Variants in UST observed in about 807,000 individuals in gnomAD.
The protein encoded by UST is uronyl 2-sulfotransferase.
In UST, 21 loss-of-function variants were observed where a neutral mutation model predicts 45.6. That is an observed-to-expected ratio of 0.46 (90% CI 0.33 to 0.66). The LOEUF is 0.66. Ranked by LOEUF, UST falls within the 30% of genes least tolerant of loss-of-function variation. UST has a pLI of 0.02. For missense variants in UST, 463 were observed against 512.4 expected, an observed-to-expected ratio of 0.90 and a Z score of 0.93; for synonymous variants, 215 against 200.6, an observed-to-expected ratio of 1.07 and a Z score of -0.61.
intron 7 of UST, among the ~76,000 whole-genome samples, chr6:149,026,255 G>A (rs1026820899): frequency 2.6e-5 from 4 of 151,986 alleles, no homozygotes; most frequent in African/African-American, 7.3e-5. Flanking sequence ...CGAGGCTGCA[G>A]TGAGCTATGA....
At chr6:148,965,255 G>T (rs964161930) in intron 5 of UST, among the ~76,000 whole-genome samples, 3 of 151,880 alleles carry the variant, frequency 2.0e-5, no homozygotes, top group Non-Finnish European at 2.9e-5. Context: ...GCGGAGTTGC[G>T]CGTCTTTCTT....
chr6:149,056,346 G>A (rs1002170038), intron 7 of UST, among the ~76,000 whole-genome samples: 1 of 151,850 alleles, frequency 6.6e-6, no homozygotes, highest in Non-Finnish European at 1.5e-5. Context: ...GACCTCAAGT[G>A]ATCCACCACC....
At chr6:148,862,504 G>A (rs1582859869) in intron 1 of UST, among the ~76,000 whole-genome samples, 1 of 152,180 alleles carries the variant, frequency 6.6e-6, no homozygotes, top group Non-Finnish European at 1.5e-5. Context: ...TACATTTAAG[G>A]TTAATATTGT....
chr6:148,772,468 G>A (rs561248748), intron 1 of UST, among the ~76,000 whole-genome samples: 121 of 150,488 alleles, frequency 8.0e-4, no homozygotes, highest in African/African-American at 2.9e-3. Context: ...TGTCACCCAC[G>A]CTGGAGTGCA....
At chr6:148,812,639 T>A (rs1323247701) in intron 1 of UST, among the ~76,000 whole-genome samples, 1 of 152,222 alleles carries the variant, frequency 6.6e-6, no homozygotes, top group Non-Finnish European at 1.5e-5. Flanking sequence ...TCTGGCCACA[T>A]GGGTCTCCCC....
chr6:148,770,912 T>A (rs1776413585), intron 1 of UST, among the ~76,000 whole-genome samples: 1 of 152,172 alleles, frequency 6.6e-6, no homozygotes, highest in African/African-American at 2.4e-5. Context: ...TCCAACTTTT[T>A]AAATGAGATT....
In UST at chr6:148,871,141, T is replaced by TCTCTCTCTCTCTCTCTCTCC. The variant is rs1562283619; in HGVS notation, c.248-15840_248-15839insTCTCTCTCTCTCTCCCTCTC. Among the ~76,000 whole-genome samples the TCTCTCTCTCTCTCTCTCTCC allele has an allele frequency of 2.8e-3, 419 of 149,290 alleles. 3 individuals are homozygous for TCTCTCTCTCTCTCTCTCTCC. Among genetic ancestry groups the TCTCTCTCTCTCTCTCTCTCC allele is most frequent in the African/African-American group, 9.9e-3 (396 of 39,822 alleles). On this transcript the variant is annotated intron_variant, in intron 1 of 7. Transcript: ENST00000367463. ...CCCTCTCTCTCTCTCTCTCTCTCTC[T>TCTCTCTCTCTCTCTCTCTCC]CTCTCCCTCTCTCCCTCTCTCTCTC...
At chr6:148,946,705 T>C (rs1780245944) in intron 3 of UST, among the ~76,000 whole-genome samples, 1 of 145,738 alleles carries the variant, frequency 6.9e-6, no homozygotes, top group Non-Finnish European at 1.5e-5. Context: ...TCCCAACTAC[T>C]TGGGAGGCTG....
chr6:148,775,376 T>A (rs528831218), intron 1 of UST, among the ~76,000 whole-genome samples: 178 of 152,164 alleles, frequency 1.2e-3, no homozygotes, highest in African/African-American at 3.7e-3. Context: ...GAGGTGGTGG[T>A]CTTTACCAAT....
At chr6:149,044,074 T>TTTA (rs1310172326) in intron 7 of UST, among the ~76,000 whole-genome samples, 3 of 152,226 alleles carry the variant, frequency 2.0e-5, no homozygotes, top group African/African-American at 7.2e-5. Flanking sequence ...TTTAAGTGAC[T>TTTA]AGGGTACATC....
chr6:148,933,905 A>G (rs1286863179), intron 2 of UST, among the ~76,000 whole-genome samples: 1 of 152,224 alleles, frequency 6.6e-6, no homozygotes, highest in Non-Finnish European at 1.5e-5. Flanking sequence ...AAAACTGGGA[A>G]CGCCTATGGA....
intron 1 of UST, among the ~76,000 whole-genome samples, chr6:148,882,362 T>C (rs1238961519): frequency 6.6e-6 from 1 of 151,818 alleles, no homozygotes; most frequent in South Asian, 2.1e-4. Flanking sequence ...GGCGGGTGCC[T>C]GTAATCCCAG....
intron 2 of UST, among the ~76,000 whole-genome samples, chr6:148,907,902 C>CTT (rs67488239): frequency 4.4e-5 from 3 of 68,176 alleles, no homozygotes; most frequent in African/African-American, 6.0e-5. Context: ...GTTTCCAGGG[C>CTT]TTTTTTTTTT....
At position 148,803,783 on chromosome 6, in the gene UST, C is replaced by T. The variant is rs563299148; in HGVS notation, c.247+56106C>T. Among the ~76,000 whole-genome samples the T allele has an allele frequency of 1.2e-4, 19 of 152,296 alleles. 1 individual carries two copies. Among genetic ancestry groups the T allele is most frequent in the African/African-American group, 4.6e-4 (19 of 41,554 alleles). On this transcript the variant is annotated intron_variant, in intron 1 of 7. Transcript: ENST00000367463. ...TCCATCATTCCTCACTTTGTTCTGG[C>T]TCTGGCCACACAGGCCTTCTTGATT...
intron 3 of UST, among the ~76,000 whole-genome samples, chr6:148,947,774 G>A (rs1483519898): frequency 6.6e-6 from 1 of 152,182 alleles, no homozygotes; most frequent in Non-Finnish European, 1.5e-5. Context: ...CCACAGGCAT[G>A]AGAGTGCTCC....
chr6:148,944,763 C>T (rs370883837), intron 3 of UST, among the ~76,000 whole-genome samples: 59 of 152,326 alleles, frequency 3.9e-4, no homozygotes, highest in African/African-American at 1.2e-3. Context: ...GTTGGACTTT[C>T]GCACAGCTCA....
chr6:149,067,574 T>A (rs1297534107), intron 7 of UST, among the ~76,000 whole-genome samples: 1 of 152,240 alleles, frequency 6.6e-6, no homozygotes, highest in Non-Finnish European at 1.5e-5. Flanking sequence ...CCTCATGTTC[T>A]GACTAGCACT....
At chr6:148,971,052 A>G (rs1456413795) in intron 5 of UST, among the ~76,000 whole-genome samples, 2 of 152,168 alleles carry the variant, frequency 1.3e-5, no homozygotes, top group East Asian at 3.9e-4. Flanking sequence ...AGTGTCATCA[A>G]GGATAACTTA....
At chr6:148,875,268 A>T (rs2114822002) in intron 1 of UST, among the ~76,000 whole-genome samples, 1 of 152,378 alleles carries the variant, frequency 6.6e-6, no homozygotes, top group East Asian at 1.9e-4. Flanking sequence ...GCAAGGCTTC[A>T]GAGTCAAGAA....
Sources: gnomAD v4.1 joint callset for allele counts (sites outside exome capture counted in the v4.1 genomes callset) on GRCh38, gnomAD v4.1.1 for gene constraint, MANE v1.5 for transcripts, NCBI Gene and HGNC (gene_info 2026-07-23, HGNC 2026-07-21) for gene names.